THSD4: variants seen among roughly 807,000 people sequenced by gnomAD.
THSD4 encodes the protein thrombospondin type-1 domain-containing protein 4.
A neutral mutation model predicts 119.0 loss-of-function variants in THSD4; 69 were observed. That is an observed-to-expected ratio of 0.58 (90% CI 0.48 to 0.71). The LOEUF (loss-of-function observed/expected upper bound fraction) is 0.71, where lower values mean the gene tolerates loss of function less well. THSD4 is among the 30% of genes least tolerant of loss of function. The pLI is 0.00. For synonymous variants in THSD4, 524 were observed against 540.4 expected (o/e 0.97, Z 0.42); for missense variants, 1,393 against 1,391.1 (o/e 1.00, Z -0.02).
intron 8 of THSD4, among the ~76,000 whole-genome samples, chr15:71,714,703 G>A (rs976804911): frequency 1.3e-5 from 2 of 151,240 alleles, no homozygotes; most frequent in Non-Finnish European, 2.9e-5. Flanking sequence ...AAAATTAGCC[G>A]AGCGTGGTGA....
intron 7 of THSD4, among the ~76,000 whole-genome samples, chr15:71,611,137 T>TCA (rs2050216610): frequency 6.6e-6 from 1 of 152,232 alleles, no homozygotes; most frequent in Non-Finnish European, 1.5e-5. Flanking sequence ...GCCTGAGCCG[T>TCA]GATTATGCCA....
intron 5 of THSD4, among the ~76,000 whole-genome samples, chr15:71,250,079 A>G (rs2044244314): frequency 6.6e-6 from 1 of 152,188 alleles, no homozygotes; most frequent in Non-Finnish European, 1.5e-5. Context: ...TCCATGCATT[A>G]TACATTTTTG....
At chr15:71,234,734 T>C (rs951207135) in intron 4 of THSD4, among the ~76,000 whole-genome samples, 11 of 152,346 alleles carry the variant, frequency 7.2e-5, no homozygotes, top group African/African-American at 2.6e-4. Flanking sequence ...GCTCAGTTTT[T>C]CCAATTTAAA....
At chr15:71,777,191 T>C (rs1719744642) in intron 17 of THSD4, 41 bp from the exon 18 acceptor site, 2 of 1,613,812 alleles carry the variant, frequency 1.2e-6, no homozygotes, top group Non-Finnish European at 8.5e-7. Flanking sequence ...AGGCTGCCTC[T>C]TGTGCTCAGG....
intron 6 of THSD4, among the ~76,000 whole-genome samples, chr15:71,397,749 C>T (rs2046471834): frequency 6.6e-6 from 1 of 152,182 alleles, no homozygotes; most frequent in South Asian, 2.1e-4. Flanking sequence ...CACTCTCTAG[C>T]AGTGTGGGTT....
In THSD4 at chr15:71,569,972, C is replaced by T. The variant is rs559177586; in HGVS notation, c.1153-90558C>T. On this transcript the variant is annotated intron_variant, in intron 7 of 17. Coordinates refer to ENST00000261862, the MANE Select transcript of THSD4 (RefSeq NM_024817.3). ...TCGCGCCACTGCATTCCAGCCTGGG[C>T]GACAAAGTTAGACTCTATTTCAAAA... 1.3e-4 allele frequency among the ~76,000 whole-genome samples: 20 copies of T among 151,856 alleles called. No individual in the cohort carries two copies. In the South Asian group the frequency reaches 2.1e-3, roughly 16 times the overall value.
rs114274348 is a variant in THSD4, at chr15:71,676,604, G to T, written c.1357+15870G>T. 3.2e-3 allele frequency among the ~76,000 whole-genome samples: 493 copies of T among 152,210 alleles called. 3 individuals carry two copies. Among genetic ancestry groups the T allele is most frequent in the African/African-American group, 0.011 (475 of 41,530 alleles). ...CTCAGAATATTTTCTTATCCCAAAAGCTGTACTCAGTAAACAATAGCCCCC... is the reference window on the plus strand; with the variant it reads ...CTCAGAATATTTTCTTATCCCAAAATCTGTACTCAGTAAACAATAGCCCCC... On this transcript the variant is annotated intron_variant, in intron 8 of 17. Transcript: ENST00000261862.
At chr15:71,236,126 A>G (rs1042517634) in intron 4 of THSD4, among the ~76,000 whole-genome samples, 6 of 152,110 alleles carry the variant, frequency 3.9e-5, no homozygotes, top group African/African-American at 1.4e-4. Flanking sequence ...CAGCTGAGAG[A>G]GGCAGGGCCC....
At chr15:71,142,397 T>G (rs2141372056) in intron 2 of THSD4, among the ~76,000 whole-genome samples, 1 of 152,284 alleles carries the variant, frequency 6.6e-6, no homozygotes, top group African/African-American at 2.4e-5. Context: ...TTCAAACTTT[T>G]TAAAAAGGCT....
intron 8 of THSD4, among the ~76,000 whole-genome samples, chr15:71,668,518 C>A (rs937031548): frequency 1.3e-5 from 2 of 152,144 alleles, no homozygotes; most frequent in Non-Finnish European, 2.9e-5. Context: ...AGTGAAAAAA[C>A]CTGTCTGTGG....
rs557267019 is a variant in THSD4, at chr15:71,602,458, C to A, written c.1153-58072C>A. Among the ~76,000 whole-genome samples the A allele has an allele frequency of 6.8e-4, 93 of 136,982 alleles. 1 individual carries two copies. The South Asian group carries it at 0.014, about 21-fold the overall frequency. 89.9% of individuals were successfully genotyped at this position (136,982 alleles called of 152,430 possible). A position where few individuals can be genotyped will look rare whatever the true frequency, so the allele number is the denominator to read the frequency against. On this transcript the variant is annotated intron_variant, in intron 7 of 17. Transcript: ENST00000261862. Reference sequence around the variant, plus strand: ...ATCCCAGCTACTCAGGAGGCTGAGGCAGGAGAATCTCTCAAACCCGGGAGG... The same window carrying A: ...ATCCCAGCTACTCAGGAGGCTGAGGAAGGAGAATCTCTCAAACCCGGGAGG...
At chr15:71,594,161 T>C (rs1366569521) in intron 7 of THSD4, among the ~76,000 whole-genome samples, 1 of 151,718 alleles carries the variant, frequency 6.6e-6, no homozygotes, top group Non-Finnish European at 1.5e-5. Context: ...AGGGATCCAC[T>C]GGACTCTTAT....
intron 3 of THSD4, among the ~76,000 whole-genome samples, chr15:71,182,790 T>C (rs2043547233): frequency 6.6e-6 from 1 of 151,768 alleles, no homozygotes. Context: ...ATGTAGGAAT[T>C]TGGCAAGTGG....
chr15:71,708,365 G>A (rs559853760), intron 8 of THSD4, among the ~76,000 whole-genome samples: 4 of 152,210 alleles, frequency 2.6e-5, no homozygotes, highest in Admixed American at 6.5e-5. Flanking sequence ...GACCTACCAC[G>A]CCCAGTGCCT....
At chr15:71,741,562 A>G (rs910003968) in intron 11 of THSD4, among the ~76,000 whole-genome samples, 1 of 152,132 alleles carries the variant, frequency 6.6e-6, no homozygotes, top group African/African-American at 2.4e-5. Context: ...ATTTTGTTTA[A>G]TCTTCTGTCC....
Position 71,263,509 on chromosome 15 carries a change from A to G in THSD4, c.1015+6794A>G, listed in dbSNP as rs557644849. ...TTTATATTCCTTTGGGTATGTACCC[A>G]GAAATGGGATTGCTGGGCTGAATGG... On this transcript the variant is annotated intron_variant, in intron 6 of 17. Coordinates refer to ENST00000261862, the MANE Select transcript of THSD4 (RefSeq NM_024817.3). Among the ~76,000 whole-genome samples the G allele has an allele frequency of 1.3e-3, 194 of 152,228 alleles. 1 individual carries two copies. Among genetic ancestry groups the G allele is most frequent in the African/African-American group, 4.5e-3 (187 of 41,536 alleles).
At chr15:71,552,830 G>C (rs2048953230) in intron 7 of THSD4, among the ~76,000 whole-genome samples, 1 of 152,112 alleles carries the variant, frequency 6.6e-6, no homozygotes, top group African/African-American at 2.4e-5. Flanking sequence ...ATTTTTAGTA[G>C]AGATGGGGTT....
intron 7 of THSD4, among the ~76,000 whole-genome samples, chr15:71,469,959 AG>A (rs2047550811): frequency 6.6e-6 from 1 of 152,234 alleles, no homozygotes; most frequent in African/African-American, 2.4e-5. Flanking sequence ...ATGAGCACAG[AG>A]GAGATGTCCA....
intron 5 of THSD4, among the ~76,000 whole-genome samples, chr15:71,249,715 G>C (rs867765739): frequency 6.6e-6 from 1 of 152,182 alleles, no homozygotes; most frequent in South Asian, 2.1e-4. Context: ...GCAAAGACAT[G>C]TATATCCTTG....
Sources: allele counts gnomAD v4.1 joint callset (sites outside exome capture counted in the v4.1 genomes callset), GRCh38; gene constraint gnomAD v4.1.1; transcripts MANE v1.5; gene names NCBI Gene and HGNC (gene_info 2026-07-23, HGNC 2026-07-21).